The following ST8SIA1 variants were observed in gnomAD, a reference collection of about 807,000 sequenced individuals.
ST8SIA1 encodes the protein ST8 alpha-N-acetyl-neuraminide alpha-2,8-sialyltransferase 1.
Under a neutral mutation model 35.9 loss-of-function variants are expected in ST8SIA1, and 16 were observed. The observed-to-expected ratio is 0.45, with a 90% CI of 0.30 to 0.68. The LOEUF (loss-of-function observed/expected upper bound fraction) is 0.68, where lower values mean the gene tolerates loss of function less well. Ranked by LOEUF, ST8SIA1 falls within the 30% of genes least tolerant of loss-of-function variation. ST8SIA1 has a pLI of 0.09. For synonymous variants in ST8SIA1, 170 were observed against 169.6 expected (o/e 1.00, Z -0.02); for missense variants, 383 against 453.6 (o/e 0.84, Z 1.41).
At chr12:22,326,571 T>C (rs982225043) in intron 1 of ST8SIA1, among the ~76,000 whole-genome samples, 9 of 152,166 alleles carry the variant, frequency 5.9e-5, no homozygotes, top group African/African-American at 2.2e-4. Context: ...AGTTGATAAA[T>C]GACAGAACCA....
chr12:22,295,307 G>A (rs1319707224), intron 1 of ST8SIA1, among the ~76,000 whole-genome samples: 1 of 152,134 alleles, frequency 6.6e-6, no homozygotes, highest in East Asian at 1.9e-4. Context: ...TCCTCGTAGG[G>A]TCCTGGCTGG....
chr12:22,291,573 T>A (rs1362845522), intron 1 of ST8SIA1, among the ~76,000 whole-genome samples: 1 of 152,176 alleles, frequency 6.6e-6, no homozygotes, highest in Non-Finnish European at 1.5e-5. Flanking sequence ...ATCTTGCATG[T>A]CCCCTTCATA....
At chr12:22,217,710 T>C (rs779770826) in intron 4 of ST8SIA1, among the ~76,000 whole-genome samples, 2 of 152,222 alleles carry the variant, frequency 1.3e-5, no homozygotes, top group Non-Finnish European at 2.9e-5. Context: ...TAATAAGTCT[T>C]ACAACTACTA....
At chr12:22,323,321 C>A (rs952762838) in intron 1 of ST8SIA1, among the ~76,000 whole-genome samples, 2 of 152,176 alleles carry the variant, frequency 1.3e-5, no homozygotes, top group African/African-American at 4.8e-5. Flanking sequence ...AGAGGCAACA[C>A]CCCAAATCTG....
intron 2 of ST8SIA1, among the ~76,000 whole-genome samples, chr12:22,277,852 G>A (rs1278483364): frequency 3.9e-5 from 6 of 152,140 alleles, no homozygotes; most frequent in Admixed American, 3.9e-4. Flanking sequence ...CTGAGTAGAC[G>A]ATAGTGTCAT....
At chr12:22,244,712 A>G (rs867084244) in intron 4 of ST8SIA1, among the ~76,000 whole-genome samples, 3 of 152,164 alleles carry the variant, frequency 2.0e-5, no homozygotes, top group African/African-American at 4.8e-5. Context: ...TCGGCCTCCC[A>G]AAGTGCTGAG....
intron 1 of ST8SIA1, among the ~76,000 whole-genome samples, chr12:22,333,220 G>A (rs1866791905): frequency 6.6e-6 from 1 of 152,156 alleles, no homozygotes; most frequent in Non-Finnish European, 1.5e-5. Flanking sequence ...TCTGACTTCA[G>A]GTGCCTACTT....
At chr12:22,297,466 T>C (rs929839653) in intron 1 of ST8SIA1, among the ~76,000 whole-genome samples, 8 of 151,956 alleles carry the variant, frequency 5.3e-5, no homozygotes, top group East Asian at 1.9e-4. Flanking sequence ...GTGGGTAAGA[T>C]TCAAAATTAT....
At chr12:22,242,647 C>T (rs1865554013) in intron 4 of ST8SIA1, among the ~76,000 whole-genome samples, 1 of 152,114 alleles carries the variant, frequency 6.6e-6, no homozygotes, top group Admixed American at 6.5e-5. Flanking sequence ...GGCACTATAT[C>T]CCTTAAATTC....
Position 22,261,968 on chromosome 12 carries a change from A to G in ST8SIA1, c.382-6579T>C, listed in dbSNP as rs141617016. Among the ~76,000 whole-genome samples the G allele has an allele frequency of 3.5e-4, 53 of 152,370 alleles. No homozygotes were observed. The Middle Eastern group carries it at 0.01, about 29-fold the overall frequency. On this transcript the variant is annotated intron_variant, in intron 2 of 4. Coordinates refer to ENST00000396037, the MANE Select transcript of ST8SIA1 (RefSeq NM_003034.4). ...CAGCTTACACGCTAAATAGAAAAAC[A>G]GAATTTAACAAACATGACAGCAAAA...
rs1354823495 is a variant in ST8SIA1 at position 22,333,466 on chromosome 12, CGTCA to C, written c.236+527_236+530del. On this transcript the variant is annotated intron_variant, in intron 1 of 4. Transcript: ENST00000396037. ...TTGCACAGTATCGTCTCTTAGTAGA[CGTCA>C]GTCAGTACTATGCACTTGCTGTGGG... Among the ~76,000 whole-genome samples, 3 of 152,348 alleles carry C rather than the reference CGTCA, an allele frequency of 2.0e-5. No homozygotes were observed. The East Asian group carries it at 5.8e-4, about 29-fold the overall frequency.
chr12:22,282,835 G>A (rs12826088), intron 2 of ST8SIA1, among the ~76,000 whole-genome samples: 22,922 of 151,906 alleles, frequency 0.15, 1,769 homozygotes, highest in Middle Eastern at 0.24. Context: ...TATATGTCAC[G>A]GGAAATGATT....
intron 1 of ST8SIA1, among the ~76,000 whole-genome samples, chr12:22,315,626 G>A (rs1022258606): frequency 2.6e-5 from 4 of 151,888 alleles, no homozygotes; most frequent in South Asian, 2.1e-4. Context: ...CTTTCAAACC[G>A]AGAACCTATA....
chr12:22,319,220 A>G (rs1866553885), intron 1 of ST8SIA1, among the ~76,000 whole-genome samples: 1 of 152,220 alleles, frequency 6.6e-6, no homozygotes, highest in Admixed American at 6.5e-5. Flanking sequence ...CACAAAATAA[A>G]TAGCAACTCT....
intron 4 of ST8SIA1, among the ~76,000 whole-genome samples, chr12:22,229,054 C>CA (rs11463657): frequency 0.32 from 32,371 of 101,826 alleles, 5,904 homozygotes; most frequent in Middle Eastern, 0.6. Flanking sequence ...ACTCCATCTC[C>CA]AAAAAAAAAA....
chr12:22,323,295 C>G (rs992666430), intron 1 of ST8SIA1, among the ~76,000 whole-genome samples: 7 of 152,172 alleles, frequency 4.6e-5, no homozygotes, highest in African/African-American at 1.7e-4. Context: ...TTTATGCAAT[C>G]ACTTTGCACA....
intron 1 of ST8SIA1, among the ~76,000 whole-genome samples, chr12:22,315,454 T>A (rs1866506083): frequency 6.6e-6 from 1 of 152,028 alleles, no homozygotes; most frequent in Non-Finnish European, 1.5e-5. Context: ...CCTAGAGAAG[T>A]TTCCTTTCTG....
At chr12:22,290,965 T>C (rs1299766669) in intron 1 of ST8SIA1, among the ~76,000 whole-genome samples, 1 of 152,204 alleles carries the variant, frequency 6.6e-6, no homozygotes, top group Non-Finnish European at 1.5e-5. Context: ...TGCGTGTGAG[T>C]TGAGTACTGG....
chr12:22,232,323 G>C (rs1486637361), intron 4 of ST8SIA1, among the ~76,000 whole-genome samples: 1 of 152,108 alleles, frequency 6.6e-6, no homozygotes, highest in African/African-American at 2.4e-5. Context: ...GTGAATAATG[G>C]TCATAAAATA....
Sources: allele counts gnomAD v4.1 joint callset (sites outside exome capture counted in the v4.1 genomes callset), GRCh38; gene constraint gnomAD v4.1.1; transcripts MANE v1.5; gene names NCBI Gene and HGNC (gene_info 2026-07-23, HGNC 2026-07-21).